The following CDH10 variants were observed in gnomAD, a reference collection of about 807,000 sequenced individuals.
CDH10 encodes the protein cadherin 10.
A neutral mutation model predicts 73.1 loss-of-function variants in CDH10; 30 were observed. The observed-to-expected ratio is 0.41, with a 90% CI of 0.31 to 0.56. CDH10 has a LOEUF of 0.56. Among genes scored for constraint, CDH10 ranks in the 20% least tolerant of loss-of-function variants. The probability of loss-of-function intolerance (pLI) is 0.27; values close to 1 mark genes in which losing one functional copy is unlikely to be tolerated. For synonymous variants in CDH10, 345 were observed against 348.2 expected (o/e 0.99, Z 0.10); for missense variants, 815 against 973.7 (o/e 0.84, Z 2.17).
intron 1 of CDH10, among the ~76,000 whole-genome samples, chr5:24,644,167 A>G (rs1748142535): frequency 6.6e-6 from 1 of 152,196 alleles, no homozygotes; most frequent in Non-Finnish European, 1.5e-5. Context: ...GAGTGAATCC[A>G]TTCATATGGA....
chr5:24,608,450 G>A (rs934808876), intron 1 of CDH10, among the ~76,000 whole-genome samples: 30 of 151,794 alleles, frequency 2.0e-4, no homozygotes, highest in Non-Finnish European at 3.5e-4. Context: ...GCACCACCAC[G>A]CCCAGCTAAT....
intron 1 of CDH10, among the ~76,000 whole-genome samples, chr5:24,611,460 T>C (rs919112817): frequency 1.3e-5 from 2 of 152,154 alleles, no homozygotes; most frequent in Non-Finnish European, 2.9e-5. Context: ...AGTCTTTCTC[T>C]GTCTCCCTTA....
At chr5:24,552,135 C>G (rs1264088507) in intron 2 of CDH10, among the ~76,000 whole-genome samples, 1 of 151,962 alleles carries the variant, frequency 6.6e-6, no homozygotes, top group Non-Finnish European at 1.5e-5. Flanking sequence ...ACATATATCT[C>G]CATTTATTTA....
At chr5:24,546,422 A>G (rs1744343823) in intron 2 of CDH10, among the ~76,000 whole-genome samples, 1 of 152,174 alleles carries the variant, frequency 6.6e-6, no homozygotes, top group Non-Finnish European at 1.5e-5. Flanking sequence ...TCATCAGATG[A>G]ATATACCTAT....
chr5:24,491,881 A>G lies in CDH10; in HGVS notation c.1625-54T>C, dbSNP rs1327272125. 49 of 1,119,100 alleles carry G rather than the reference A, an allele frequency of 4.4e-5. 1 individual carries two copies. The highest frequency in any genetic ancestry group is 2.6e-4 in the South Asian group (17 of 64,832). The allele number at this position is 1,119,100 out of a possible 1,614,324, so 69.3% of individuals were successfully genotyped here. A position where few individuals can be genotyped will look rare whatever the true frequency, so the allele number is the denominator to read the frequency against. On this transcript the variant is annotated intron_variant, in intron 10 of 11. Transcript: ENST00000264463. ...GGTTTGGGATAGTAAATTTTTCCCA[A>G]TGTGATCACCAAGGTTTAACATATA...
chr5:24,549,605 G>T (rs953767836), intron 2 of CDH10, among the ~76,000 whole-genome samples: 10 of 142,776 alleles, frequency 7.0e-5, no homozygotes, highest in African/African-American at 2.6e-4. Context: ...AGGCTGAAGT[G>T]CAATGGCACA....
chr5:24,602,615 C>G (rs1463090175), intron 1 of CDH10, among the ~76,000 whole-genome samples: 1 of 152,054 alleles, frequency 6.6e-6, no homozygotes, highest in Non-Finnish European at 1.5e-5. Flanking sequence ...TATTGCATTG[C>G]ATTGCATGTG....
At chr5:24,554,716 A>C (rs1744705358) in intron 2 of CDH10, among the ~76,000 whole-genome samples, 1 of 152,128 alleles carries the variant, frequency 6.6e-6, no homozygotes, top group Non-Finnish European at 1.5e-5. Context: ...AAAGAGAAAG[A>C]CTATTCTGAG....
chr5:24,487,530 C>G lies in CDH10; in HGVS notation c.*133G>C. The stretch of plus-strand genomic sequence containing the variant: ...GGAAAGAATTAATGTAATTAATGAA[C>G]AAATTAAGAAGTAAATGAGAAAAAA... On this transcript the variant is annotated 3_prime_UTR_variant, in exon 12 of 12. Coordinates refer to ENST00000264463, the MANE Select transcript of CDH10 (RefSeq NM_006727.5). 2 of 770,716 alleles carry G rather than the reference C, an allele frequency of 2.6e-6. No individual in the cohort carries two copies. The highest frequency in any genetic ancestry group is 4.9e-5 in the East Asian group (2 of 40,412). 47.7% of individuals were successfully genotyped at this position (770,716 alleles called of 1,614,324 possible).
At chr5:24,580,627 CATAGAGTAAA>C (rs908872606) in intron 2 of CDH10, among the ~76,000 whole-genome samples, 1 of 152,126 alleles carries the variant, frequency 6.6e-6, no homozygotes, top group Non-Finnish European at 1.5e-5. Flanking sequence ...TCCCATGTAA[CATAGAGTAAA>C]AGTCAGAATT....
intron 2 of CDH10, among the ~76,000 whole-genome samples, chr5:24,553,379 T>A (rs1323150661): frequency 6.6e-6 from 1 of 152,144 alleles, no homozygotes; most frequent in African/African-American, 2.4e-5. Context: ...CTATAAATTG[T>A]TCATTGTCCC....
intron 11 of CDH10, among the ~76,000 whole-genome samples, chr5:24,488,626 C>G (rs1470131185): frequency 6.6e-6 from 1 of 152,092 alleles, no homozygotes; most frequent in Non-Finnish European, 1.5e-5. Flanking sequence ...TCATTCACAA[C>G]ATACTGAGTA....
intron 2 of CDH10, among the ~76,000 whole-genome samples, chr5:24,555,624 A>G (rs1467360238): frequency 6.6e-6 from 1 of 152,130 alleles, no homozygotes; most frequent in Non-Finnish European, 1.5e-5. Context: ...AACCGTCAAG[A>G]GAACCTGTAG....
chr5:24,528,245 A>C (rs768957146), intron 5 of CDH10, among the ~76,000 whole-genome samples: 6 of 151,832 alleles, frequency 4.0e-5, no homozygotes, highest in Non-Finnish European at 5.9e-5. Flanking sequence ...TAAAACAGGG[A>C]AAAAGAGACA....
At chr5:24,490,006 A>T (rs995720292) in intron 11 of CDH10, among the ~76,000 whole-genome samples, 15 of 152,154 alleles carry the variant, frequency 9.9e-5, no homozygotes, top group Non-Finnish European at 2.1e-4. Context: ...TATGCATAAA[A>T]TGAAAATAAT....
chr5:24,551,922 T>C (rs930700431), intron 2 of CDH10, among the ~76,000 whole-genome samples: 1 of 152,140 alleles, frequency 6.6e-6, no homozygotes, highest in Non-Finnish European at 1.5e-5. Context: ...CTTAGGGTTC[T>C]TGGTCTTTAT....
intron 2 of CDH10, among the ~76,000 whole-genome samples, chr5:24,545,935 T>C (rs564942298): frequency 6.6e-6 from 1 of 152,246 alleles, no homozygotes; most frequent in African/African-American, 2.4e-5. Context: ...ACAGAGACAA[T>C]ATTTGAAGGT....
At chr5:24,619,472 C>T (rs922568975) in intron 1 of CDH10, among the ~76,000 whole-genome samples, 4 of 152,070 alleles carry the variant, frequency 2.6e-5, no homozygotes, top group Non-Finnish European at 5.9e-5. Flanking sequence ...GGATTACAGG[C>T]GTGAGCCACC....
At chr5:24,532,234 C>T (rs747234256) in intron 5 of CDH10, among the ~76,000 whole-genome samples, 16 of 151,868 alleles carry the variant, frequency 1.1e-4, no homozygotes, top group African/African-American at 3.9e-4. Context: ...TGAGTTGTGA[C>T]CTAACTTTTA....
Sources: allele counts gnomAD v4.1 joint callset (sites outside exome capture counted in the v4.1 genomes callset), GRCh38; gene constraint gnomAD v4.1.1; transcripts MANE v1.5; gene names NCBI Gene and HGNC (gene_info 2026-07-23, HGNC 2026-07-21).